EDNRB: variants seen among roughly 807,000 people sequenced by gnomAD.
The protein encoded by EDNRB is Hirschsprung disease 2.
Under a neutral mutation model 46.4 loss-of-function variants are expected in EDNRB, and 18 were observed. The ratio of observed to expected loss-of-function variants is 0.39; its 90% CI spans 0.27 to 0.57. The LOEUF is 0.57. Ranked by LOEUF, EDNRB falls within the 20% of genes least tolerant of loss-of-function variation. The pLI is 0.61. For synonymous variants in EDNRB, 213 were observed against 204.9 expected (o/e 1.04, Z -0.34); for missense variants, 434 against 537.5 (o/e 0.81, Z 1.90).
rs775363354 is a variant in EDNRB at position 77,918,514 on chromosome 13, G to A, written c.60C>T (p.Gly20=). 28 of 1,581,736 alleles carry A rather than the reference G, an allele frequency of 1.8e-5. No homozygotes were observed. Among genetic ancestry groups the A allele is most frequent in the Non-Finnish European group, 2.1e-5 (24 of 1,167,930 alleles). The part of the protein sequence containing the change: ...RALVALVLAC[G]LSRIWGEERG... ...TCTCCTCTCCCCAGATCCGCGACAG[G>A]CCGCAGGCAAGAACCAGCGCAACCA... Residue 20 remains glycine, a synonymous_variant, in exon 1 of 7, where the codon GGC becomes GGT. Transcript: ENST00000646607. This position sits in a 1 kb window ranked among gnomAD's most constrained non-coding sequence, Gnocchi z 4.5.
Position 77,918,588 on chromosome 13 carries a change from C to T in EDNRB, c.-15G>A, listed in dbSNP as rs1333019399. On this transcript the variant is annotated 5_prime_UTR_variant, in exon 1 of 7. Coordinates refer to ENST00000646607, the MANE Select transcript of EDNRB (RefSeq NM_001122659.3). This position sits in a 1 kb window ranked among gnomAD's most constrained non-coding sequence, Gnocchi z 4.5. Reference sequence around the variant, plus strand: ...GGCGGCTGCATGCTGCTACCTGCTCCAGAAGGCGTCCGGTGGCCGCTCCGC... The same window carrying T: ...GGCGGCTGCATGCTGCTACCTGCTCTAGAAGGCGTCCGGTGGCCGCTCCGC... 6.3e-7 allele frequency: 1 copy of T among 1,581,812 alleles called. No homozygotes were observed. The highest frequency in any genetic ancestry group is 2.2e-5 in the East Asian group (1 of 44,734).
chr13:77,909,692 G>T lies in EDNRB; in HGVS notation c.484-6085C>A, dbSNP rs115497716. 4.5e-3 allele frequency among the ~76,000 whole-genome samples: 677 copies of T among 152,068 alleles called. 4 individuals carry two copies. The highest frequency in any genetic ancestry group is 0.014 in the Middle Eastern group (4 of 294). On this transcript the variant is annotated intron_variant, in intron 1 of 6. Coordinates refer to ENST00000646607, the MANE Select transcript of EDNRB (RefSeq NM_001122659.3). ...CTAGTACAGTGATTGGCACACAGTG[G>T]TCACTCATTCAATGTTTGTTAAGTA...
chr13:77,971,601 T>A (rs1457254757), intron 1 of EDNRB, among the ~76,000 whole-genome samples: 2 of 146,062 alleles, frequency 1.4e-5, no homozygotes, highest in African/African-American at 2.6e-5. Flanking sequence ...TTTTTTTTTT[T>A]AACTCATGGA....
intron 3 of EDNRB, among the ~76,000 whole-genome samples, chr13:77,902,686 G>A (rs1879060061): frequency 6.6e-6 from 1 of 151,950 alleles, no homozygotes; most frequent in East Asian, 1.9e-4. Flanking sequence ...TACCCAATAG[G>A]GGAAAGATGC....
upstream of EDNRB, chr13:77,919,766 T>G (rs934891180): frequency 1.4e-6 from 1 of 712,362 alleles, no homozygotes; most frequent in Middle Eastern, 4.1e-4. Context: ...CAAAAGGCTG[T>G]TTATTTGTTA....
intron 1 of EDNRB, among the ~76,000 whole-genome samples, chr13:77,915,683 G>A (rs992281997): frequency 6.6e-6 from 1 of 152,224 alleles, no homozygotes; most frequent in African/African-American, 2.4e-5. Context: ...TTAACTGGTA[G>A]CCATTATTAT....
chr13:77,972,621 A>G (rs748211957), intron 1 of EDNRB, among the ~76,000 whole-genome samples: 6 of 152,160 alleles, frequency 3.9e-5, no homozygotes, highest in Non-Finnish European at 8.8e-5. Context: ...GAGAGTCAAG[A>G]GGGATAGAAG....
At chr13:77,902,723 A>T (rs762435387) in intron 3 of EDNRB, among the ~76,000 whole-genome samples, 26 of 152,040 alleles carry the variant, frequency 1.7e-4, no homozygotes, top group Non-Finnish European at 2.9e-4. Flanking sequence ...TACATCAGGG[A>T]TAACACCCCC....
chr13:77,967,555 C>T lies in EDNRB; in HGVS notation c.-52+7792G>A, dbSNP rs77984913. 5.2e-3 allele frequency among the ~76,000 whole-genome samples: 789 copies of T among 152,288 alleles called. 12 individuals carry two copies. The highest frequency in any genetic ancestry group is 0.018 in the African/African-American group (741 of 41,572). On this transcript the variant is annotated intron_variant, in intron 1 of 7. Coordinates refer to the EDNRB transcript ENST00000646948. ...TCAATAGTATTTCCTTATTGCAAAG[C>T]CACTGCAAATTGTGTTCTCTGTTTC... is the stretch of plus-strand genomic sequence containing the variant.
intron 1 of EDNRB, among the ~76,000 whole-genome samples, chr13:77,905,454 C>T (rs1015171994): frequency 6.6e-6 from 1 of 151,924 alleles, no homozygotes; most frequent in Non-Finnish European, 1.5e-5. Flanking sequence ...AATCAACTGA[C>T]TCATTAATTC....
intron 1 of EDNRB, among the ~76,000 whole-genome samples, chr13:77,951,453 A>G (rs915944260): frequency 6.6e-6 from 1 of 152,140 alleles, no homozygotes; most frequent in African/African-American, 2.4e-5. Context: ...TTAGAGATGG[A>G]GCCTTCAATG....
chr13:77,970,022 G>C (rs1484578282), intron 1 of EDNRB, among the ~76,000 whole-genome samples: 1 of 152,144 alleles, frequency 6.6e-6, no homozygotes, highest in Non-Finnish European at 1.5e-5. Context: ...ATTCCCACTT[G>C]CCTTTCAAGC....
rs193094958 is a variant in EDNRB at position 77,943,596 on chromosome 13, C to T, written c.-51-24972G>A. On this transcript the variant is annotated intron_variant, in intron 1 of 7. Coordinates refer to the EDNRB transcript ENST00000646948. ...TAATCATTCAGCTAGGTATGCTGTA[C>T]TCAATAACTTAATGGTTTTATATGT... is the stretch of plus-strand genomic sequence containing the variant. 9.2e-5 allele frequency among the ~76,000 whole-genome samples: 14 copies of T among 152,180 alleles called. No individual in the cohort carries two copies. In the East Asian group the frequency reaches 2.3e-3, roughly 25 times the overall value.
At chr13:77,971,840 A>G (rs1260108961) in intron 1 of EDNRB, among the ~76,000 whole-genome samples, 3 of 152,132 alleles carry the variant, frequency 2.0e-5, no homozygotes, top group African/African-American at 4.8e-5. Flanking sequence ...CTTCTTGTTG[A>G]TGAAATGCCC....
intron 1 of EDNRB, among the ~76,000 whole-genome samples, chr13:77,937,303 G>A (rs1245585312): frequency 6.6e-6 from 1 of 152,186 alleles, no homozygotes; most frequent in African/African-American, 2.4e-5. Flanking sequence ...TAGTTCCATT[G>A]GGGATCCTCT....
At chr13:77,928,236 T>C (rs917638483) in intron 1 of EDNRB, among the ~76,000 whole-genome samples, 5 of 152,202 alleles carry the variant, frequency 3.3e-5, no homozygotes, top group South Asian at 2.1e-4. Flanking sequence ...TTATTATATA[T>C]ATGAGTGGGG....
intron 1 of EDNRB, among the ~76,000 whole-genome samples, chr13:77,908,225 T>G (rs1331809606): frequency 6.6e-6 from 1 of 151,838 alleles, no homozygotes; most frequent in Non-Finnish European, 1.5e-5. Context: ...TTTAAAAATC[T>G]TAACCTCTGC....
At chr13:77,907,024 A>AT (rs199622684) in intron 1 of EDNRB, among the ~76,000 whole-genome samples, 1 of 151,900 alleles carries the variant, frequency 6.6e-6, no homozygotes, top group African/African-American at 2.4e-5. Flanking sequence ...ATTAAATCAA[A>AT]TTTTTTTTAA....
intron 1 of EDNRB, among the ~76,000 whole-genome samples, chr13:77,907,905 C>T (rs1333627785): frequency 6.7e-6 from 1 of 149,652 alleles, no homozygotes; most frequent in Non-Finnish European, 1.5e-5. Flanking sequence ...AACAGGGAAA[C>T]ACAAACTGAA....
Sources: gnomAD v4.1 joint callset for allele counts (sites outside exome capture counted in the v4.1 genomes callset) on GRCh38, gnomAD v4.1.1 for gene constraint, Gnocchi (gnomAD v3.1) non-coding constraint, MANE v1.5 for transcripts, NCBI Gene and HGNC (gene_info 2026-07-23, HGNC 2026-07-21) for gene names.